Variants in RAB3B observed in about 807,000 individuals in gnomAD.
The protein encoded by RAB3B is ras-related protein Rab-3B.
In RAB3B, 11 loss-of-function variants were observed where a neutral mutation model predicts 20.5. That is an observed-to-expected ratio of 0.54 (90% CI 0.34 to 0.89). The LOEUF (loss-of-function observed/expected upper bound fraction) is 0.89. Among genes scored for constraint, RAB3B ranks in the 40% least tolerant of loss-of-function variants. The pLI, the probability that RAB3B is intolerant of heterozygous loss-of-function variation, is 0.02. For missense variants in RAB3B, 225 were observed against 280.9 expected (o/e 0.80, Z 1.42); for synonymous variants, 99 against 106.3 (o/e 0.93, Z 0.42).
chr1:51,938,858 A>T (rs2124258626), intron 2 of RAB3B, among the ~76,000 whole-genome samples: 1 of 152,028 alleles, frequency 6.6e-6, no homozygotes, highest in Admixed American at 6.5e-5. Context: ...ATGACGTTTT[A>T]CCATGTTGCC....
intron 4 of RAB3B, among the ~76,000 whole-genome samples, chr1:51,928,184 G>A (rs1242181949): frequency 6.6e-6 from 1 of 151,962 alleles, no homozygotes; most frequent in African/African-American, 2.4e-5. Context: ...TCTGCTCACC[G>A]CAACCTCCGC....
In RAB3B at chr1:51,916,217, T is replaced by C. The variant is rs1220151002; in HGVS notation, c.*3710A>G. ...GGAGCTGCCATCTCACAAGCAGGTC[T>C]GGTTGTCTGTTGCCCAGTAGACAAG... On this transcript the variant is annotated 3_prime_UTR_variant, in exon 5 of 5. Coordinates refer to ENST00000371655, the MANE Select transcript of RAB3B (RefSeq NM_002867.4). 1 of 152,268 alleles carries C rather than the reference T, an allele frequency of 6.6e-6. No individual in the cohort carries two copies. The highest frequency in any genetic ancestry group is 1.5e-5 in the Non-Finnish European group (1 of 68,058). The allele number at this position is 152,268 out of a possible 1,614,324, so 9.4% of individuals were successfully genotyped here.
At chr1:51,962,812 C>T (rs1430957566) in intron 2 of RAB3B, among the ~76,000 whole-genome samples, 2 of 152,196 alleles carry the variant, frequency 1.3e-5, no homozygotes, top group Non-Finnish European at 2.9e-5. Context: ...ATGGCTTCTC[C>T]TAAAGCCTCT....
chr1:51,970,571 C>T (rs1684915011), intron 2 of RAB3B, among the ~76,000 whole-genome samples: 1 of 152,098 alleles, frequency 6.6e-6, no homozygotes, highest in Non-Finnish European at 1.5e-5. Context: ...CTCAGCAATG[C>T]TCATAACCTC....
rs1683955945 is a variant in RAB3B at position 51,908,735 on chromosome 1, G to A, written c.*11192C>T. ...GTTCAGAATTAGGACTGCCCACTGC[G>A]GGGGGAACAGACCCTCCCCTGTTCT... On this transcript the variant is annotated 3_prime_UTR_variant, in exon 5 of 5. Transcript: ENST00000371655. The A allele has an allele frequency of 8.6e-6, 1 of 116,292 alleles. No homozygotes were observed. Among genetic ancestry groups the A allele is most frequent in the Admixed American group, 8.1e-5 (1 of 12,300 alleles). The allele number at this position is 116,292 out of a possible 1,614,324, so 7.2% of individuals were successfully genotyped here. A position where few individuals can be genotyped will look rare whatever the true frequency, so the allele number is the denominator to read the frequency against.
intron 2 of RAB3B, among the ~76,000 whole-genome samples, chr1:51,966,580 A>G (rs567712846): frequency 2.0e-5 from 3 of 152,206 alleles, no homozygotes; most frequent in Non-Finnish European, 4.4e-5. Context: ...ACAGAGGCCA[A>G]CTAAGCCTGA....
At position 51,933,311 on chromosome 1, in the gene RAB3B, T is replaced by G; in HGVS notation, c.472+7A>C. On this transcript the variant is annotated splice_region_variant and intron_variant, in intron 4 of 4. Coordinates refer to ENST00000371655, the MANE Select transcript of RAB3B (RefSeq NM_002867.4). Reference sequence around the variant, plus strand: ...CACACATGCACATACATGTGTCATGTACATACCAAGCTGCTCTGCAAGGAG... The same window carrying G: ...CACACATGCACATACATGTGTCATGGACATACCAAGCTGCTCTGCAAGGAG... 6.2e-7 allele frequency: 1 copy of G among 1,613,656 alleles called. No individual in the cohort carries two copies. The highest frequency in any genetic ancestry group is 8.5e-7 in the Non-Finnish European group (1 of 1,179,798).
At chr1:51,932,068 G>A (rs1041506735) in intron 4 of RAB3B, among the ~76,000 whole-genome samples, 6 of 152,124 alleles carry the variant, frequency 3.9e-5, no homozygotes, top group Non-Finnish European at 5.9e-5. Flanking sequence ...CAACCTCCCT[G>A]TTTATTAAGC....
At chr1:51,931,094 A>C (rs1448625086) in intron 4 of RAB3B, among the ~76,000 whole-genome samples, 1 of 152,144 alleles carries the variant, frequency 6.6e-6, no homozygotes, top group Admixed American at 6.5e-5. Context: ...TATGTATTAG[A>C]AAATAAATAC....
At chr1:51,982,864 G>A (rs928734432) in intron 1 of RAB3B, among the ~76,000 whole-genome samples, 50 of 151,980 alleles carry the variant, frequency 3.3e-4, no homozygotes, top group African/African-American at 1.1e-3. Context: ...TTTATTATTG[G>A]AGAAACATAT....
chr1:51,942,113 C>T (rs35905485), intron 2 of RAB3B, among the ~76,000 whole-genome samples: 7,174 of 152,308 alleles, frequency 0.047, 196 homozygotes, highest in Middle Eastern at 0.068. Flanking sequence ...TCTGTAGCTT[C>T]AGTCCCTAAA....
Position 51,977,006 on chromosome 1 carries a change from A to C in RAB3B, c.112T>G (p.Phe38Val). 6.2e-7 allele frequency: 1 copy of C among 1,614,192 alleles called. No individual in the cohort carries two copies. Among genetic ancestry groups the C allele is most frequent in the Non-Finnish European group, 8.5e-7 (1 of 1,180,010 alleles). The part of the protein sequence containing the change: ...IGNSSVGKTS[F>V]LFRYADDTFT... Reference sequence around the variant, plus strand: ...GTGTCATCAGCATAGCGGAAGAGGAAGGAGGTCTTGCCAACACTGCTGTTG... The same window carrying C: ...GTGTCATCAGCATAGCGGAAGAGGACGGAGGTCTTGCCAACACTGCTGTTG... Residue 38 changes from phenylalanine (F) to valine (V), a missense_variant, in exon 2 of 5, where the codon TTC becomes GTC. Transcript: ENST00000371655.
chr1:51,970,102 C>T (rs1338064522), intron 2 of RAB3B, among the ~76,000 whole-genome samples: 2 of 150,772 alleles, frequency 1.3e-5, no homozygotes, highest in African/African-American at 4.9e-5. Context: ...AAAAAACAAA[C>T]AAACAAACAA....
At chr1:51,970,171 G>T (rs1684909678) in intron 2 of RAB3B, among the ~76,000 whole-genome samples, 1 of 152,074 alleles carries the variant, frequency 6.6e-6, no homozygotes, top group African/African-American at 2.4e-5. Flanking sequence ...CAATCCTCTG[G>T]ATTGTTCTCT....
At chr1:51,970,196 C>T (rs924526429) in intron 2 of RAB3B, among the ~76,000 whole-genome samples, 2 of 152,168 alleles carry the variant, frequency 1.3e-5, no homozygotes, top group Admixed American at 6.5e-5. Context: ...CAGCACCAGA[C>T]AGCCTCTGCA....
intron 2 of RAB3B, among the ~76,000 whole-genome samples, chr1:51,964,802 A>G (rs919974666): frequency 1.7e-4 from 26 of 152,312 alleles, no homozygotes; most frequent in African/African-American, 6.0e-4. Context: ...CTACCTCCCT[A>G]GTTCAAGCCA....
intron 2 of RAB3B, among the ~76,000 whole-genome samples, chr1:51,961,431 G>A (rs958043256): frequency 2.0e-5 from 3 of 152,138 alleles, no homozygotes; most frequent in East Asian, 1.9e-4. Context: ...GTACCACAGG[G>A]CAGTGGAAAG....
chr1:51,948,370 G>A (rs1375781723), intron 2 of RAB3B, among the ~76,000 whole-genome samples: 1 of 152,192 alleles, frequency 6.6e-6, no homozygotes, highest in Non-Finnish European at 1.5e-5. Flanking sequence ...TTGAAACCAG[G>A]TGAAGGAAGA....
intron 1 of RAB3B, among the ~76,000 whole-genome samples, chr1:51,986,146 ATTTTTTTTT>A (rs11308826): frequency 2.2e-5 from 2 of 89,316 alleles, no homozygotes; most frequent in African/African-American, 4.1e-5. Context: ...ATTTCTACGA[ATTTTTTTTT>A]TTTTTTTTTT....
Sources: allele counts gnomAD v4.1 joint callset (sites outside exome capture counted in the v4.1 genomes callset), GRCh38; gene constraint gnomAD v4.1.1; transcripts MANE v1.5; gene names NCBI Gene and HGNC (gene_info 2026-07-23, HGNC 2026-07-21).